The following ALDH1A2 variants were observed in gnomAD, a reference collection of about 807,000 sequenced individuals.
ALDH1A2 encodes the protein aldehyde dehydrogenase 1 family member A2.
ALDH1A2 carries 27 observed loss-of-function variants against 60.3 expected under a neutral mutation model. The observed-to-expected ratio is 0.45, with a 90% CI of 0.33 to 0.62. ALDH1A2 has a LOEUF of 0.62. Ranked by LOEUF, ALDH1A2 falls within the 20% of genes least tolerant of loss-of-function variation. The pLI is 0.02. For missense variants in ALDH1A2, 581 were observed against 643.8 expected (o/e 0.90, Z 1.06); for synonymous variants, 289 against 232.4 (o/e 1.24, Z -2.21).
In ALDH1A2 at chr15:57,992,724, G is replaced by A; in HGVS notation, c.779C>T (p.Ala260Val). Residue 260 changes from alanine (A) to valine (V), a missense_variant, in exon 7 of 13, where the codon GCA becomes GTA. Physicochemically the swap from Ala to Val is moderately conservative, Grantham distance 64. Transcript: ENST00000249750. ...ACCTACCTCAGTAGACCCTGTGAAT[G>A]CAATCTTGTCTATGCCAATGTGAGA... ...IASHIGIDKI[A>V]FTGSTEVGKL... 6.2e-7 allele frequency: 1 copy of A among 1,614,094 alleles called. No individual in the cohort carries two copies. Among genetic ancestry groups the A allele is most frequent in the South Asian group, 1.1e-5 (1 of 91,084 alleles).
chr15:57,958,326 C>A (rs1185790319), intron 12 of ALDH1A2, among the ~76,000 whole-genome samples: 1 of 152,232 alleles, frequency 6.6e-6, no homozygotes. Context: ...AGAATTCTTT[C>A]CATCTCCTCA....
chr15:58,023,930 C>A (rs1325133657), intron 1 of ALDH1A2, among the ~76,000 whole-genome samples: 9 of 152,080 alleles, frequency 5.9e-5, no homozygotes, highest in Non-Finnish European at 4.4e-5. Context: ...CTCCTCTCCA[C>A]TGAAAATACA....
At chr15:58,035,868 T>C (rs1219231631) in intron 1 of ALDH1A2, among the ~76,000 whole-genome samples, 1 of 151,698 alleles carries the variant, frequency 6.6e-6, no homozygotes, top group Non-Finnish European at 1.5e-5. Flanking sequence ...TTGAGAAAAA[T>C]GTGCATTTTG....
At chr15:58,060,109 G>A (rs966899962) in intron 1 of ALDH1A2, among the ~76,000 whole-genome samples, 1 of 152,054 alleles carries the variant, frequency 6.6e-6, no homozygotes, top group African/African-American at 2.4e-5. Flanking sequence ...TAGTAGAGAT[G>A]GGGTTTCACC....
At chr15:57,965,499 A>C (rs1169700549) in intron 8 of ALDH1A2, among the ~76,000 whole-genome samples, 1 of 152,212 alleles carries the variant, frequency 6.6e-6, no homozygotes, top group Non-Finnish European at 1.5e-5. Flanking sequence ...ATTCTACAAC[A>C]TCACAGATTC....
chr15:57,973,029 G>GTGAT (rs1190923043), intron 7 of ALDH1A2, among the ~76,000 whole-genome samples: 1 of 152,150 alleles, frequency 6.6e-6, no homozygotes, highest in African/African-American at 2.4e-5. Context: ...ATTAGAATGA[G>GTGAT]TGATAATACA....
chr15:57,975,547 T>C (rs989090995), intron 7 of ALDH1A2, among the ~76,000 whole-genome samples: 4 of 152,232 alleles, frequency 2.6e-5, no homozygotes, highest in Non-Finnish European at 5.9e-5. Flanking sequence ...CCTTTGAGCA[T>C]GATGTTGGTG....
intron 4 of ALDH1A2, among the ~76,000 whole-genome samples, chr15:57,996,251 C>T (rs1895055788): frequency 1.3e-5 from 2 of 151,956 alleles, no homozygotes; most frequent in South Asian, 2.1e-4. Context: ...ATTGTTTTGA[C>T]ATATTCAAAA....
chr15:57,994,050 G>A, intron 5 of ALDH1A2, among the ~76,000 whole-genome samples: 1 of 152,200 alleles, frequency 6.6e-6, no homozygotes, highest in East Asian at 1.9e-4. Flanking sequence ...CAGTAATTGA[G>A]CCAGAGCTGG....
intron 1 of ALDH1A2, chr15:58,058,050 C>T: frequency 2.6e-6 from 4 of 1,533,956 alleles, no homozygotes; most frequent in Non-Finnish European, 3.5e-6. Flanking sequence ...CAAACAGTCT[C>T]ACACTGATTC....
At chr15:58,007,026 A>G (rs1415072029) in intron 4 of ALDH1A2, among the ~76,000 whole-genome samples, 1 of 151,884 alleles carries the variant, frequency 6.6e-6, no homozygotes, top group Non-Finnish European at 1.5e-5. Context: ...TGCCTTACAG[A>G]GAAAATACAT....
chr15:57,995,009 T>C (rs2140493793), intron 5 of ALDH1A2, 69 bp downstream of exon 5: 2 of 1,415,724 alleles, frequency 1.4e-6, no homozygotes, highest in East Asian at 2.3e-5. Flanking sequence ...CTGAGGACCA[T>C]GTTTTATGTG....
chr15:58,063,643 TCA>T (rs1352207706), intron 1 of ALDH1A2, among the ~76,000 whole-genome samples: 5 of 152,186 alleles, frequency 3.3e-5, no homozygotes, highest in Non-Finnish European at 7.4e-5. Context: ...CTGGGAATGC[TCA>T]CAGATACCTG....
chr15:58,019,616 C>A (rs1008654957), intron 1 of ALDH1A2, among the ~76,000 whole-genome samples: 1 of 152,220 alleles, frequency 6.6e-6, no homozygotes, highest in Middle Eastern at 3.4e-3. Flanking sequence ...AAAGAAGGCA[C>A]CTATCTAATC....
intron 7 of ALDH1A2, among the ~76,000 whole-genome samples, chr15:57,968,514 G>A (rs1893964766): frequency 6.6e-6 from 1 of 152,158 alleles, no homozygotes; most frequent in Non-Finnish European, 1.5e-5. Flanking sequence ...CATTTACTGA[G>A]CACTAATGTG....
intron 12 of ALDH1A2, among the ~76,000 whole-genome samples, chr15:57,957,551 G>C (rs1483045834): frequency 6.6e-6 from 1 of 152,174 alleles, no homozygotes. Context: ...CAGGGAAGAA[G>C]CTCACTGATG....
chr15:57,982,691 C>A (rs1276152679), intron 7 of ALDH1A2, among the ~76,000 whole-genome samples: 1 of 152,176 alleles, frequency 6.6e-6, no homozygotes, highest in African/African-American at 2.4e-5. Flanking sequence ...AAGCCATCTG[C>A]ATAGTTTTGT....
chr15:57,968,471 C>T (rs148307100), intron 7 of ALDH1A2, among the ~76,000 whole-genome samples: 85 of 152,352 alleles, frequency 5.6e-4, no homozygotes, highest in African/African-American at 2.0e-3. Context: ...TCCTTCCTCC[C>T]AGCATTCTGT....
chr15:57,955,411 C>T (rs370380829), intron 12 of ALDH1A2, 142 bp from the exon 13 acceptor site: 22 of 803,924 alleles, frequency 2.7e-5, no homozygotes, highest in Middle Eastern at 3.4e-4. Context: ...CTCACGTATG[C>T]GCAGCCCAGC....
Sources: gnomAD v4.1 joint callset for allele counts (sites outside exome capture counted in the v4.1 genomes callset) on GRCh38, gnomAD v4.1.1 for gene constraint, MANE v1.5 for transcripts, NCBI Gene and HGNC (gene_info 2026-07-23, HGNC 2026-07-21) for gene names.